The following AHNAK variants were observed in gnomAD, a reference collection of about 807,000 sequenced individuals.
AHNAK encodes neuroblast differentiation-associated protein AHNAK.
AHNAK carries 23 observed loss-of-function variants against 37.8 expected under a neutral mutation model. That is an observed-to-expected ratio of 0.61 (90% CI 0.44 to 0.86). The LOEUF is 0.86. Ranked by LOEUF, AHNAK falls within the 40% of genes least tolerant of loss-of-function variation. The probability of loss-of-function intolerance (pLI) is 0.00; values close to 1 mark genes in which losing one functional copy is unlikely to be tolerated. For missense variants in AHNAK, 7,411 were observed against 7,319.4 expected, an observed-to-expected ratio of 1.01 and a Z score of -0.46; for synonymous variants, 2,481 against 2,636.3, an observed-to-expected ratio of 0.94 and a Z score of 1.80.
Position 62,533,279 on chromosome 11 carries a change from G to C in AHNAK, c.1138C>G (p.Leu380Val), listed in dbSNP as rs763574960. The C allele has an allele frequency of 2.6e-6, 4 of 1,529,046 alleles. No individual in the cohort carries two copies. The highest frequency in any genetic ancestry group is 4.4e-5 in the Admixed American group (2 of 44,966). 94.7% of individuals were successfully genotyped at this position (1,529,046 alleles called of 1,614,324 possible). ...CCTTTCAGGCCTAGGTCACCCTCAA[G>C]TGATGGCCCAGTGATTTGGGGGCCC... ...LKGPQITGPS[L>V]EGDLGLKGAK... The change falls in exon 5 of 5, where the codon CTT becomes GTT. Residue 380 changes from leucine (L) to valine (V), a missense_variant. By Grantham distance (32) the Leu-to-Val change is conservative. Transcript: ENST00000378024.
chr11:62,460,649 G>A (rs1025791996), intron 5 of AHNAK, among the ~76,000 whole-genome samples: 2 of 152,198 alleles, frequency 1.3e-5, no homozygotes, highest in African/African-American at 2.4e-5. Flanking sequence ...TGTGACAGAA[G>A]AGAAGGAGAG....
Position 62,530,067 on chromosome 11 carries a change from C to T in AHNAK, c.4350G>A (p.Lys1450=), listed in dbSNP as rs750607757. ...KMPEMSIKPQ[K]ISIPDVGLHL... is the part of the protein sequence containing the mutation. ...GCAAACCAACATCTGGTATGGATATCTTCTGAGGCTTTATACTCATTTCTG... is the reference window on the plus strand; with the variant it reads ...GCAAACCAACATCTGGTATGGATATTTTCTGAGGCTTTATACTCATTTCTG... The change falls in exon 5 of 5, where the codon AAG becomes AAA. Residue 1450 remains lysine (K), a synonymous_variant. Coordinates refer to ENST00000378024, the MANE Select transcript of AHNAK (RefSeq NM_001620.3). 1.2e-6 allele frequency: 2 copies of T among 1,613,878 alleles called. No individual in the cohort carries two copies. The highest frequency in any genetic ancestry group is 2.2e-5 in the South Asian group (2 of 91,050).
chr11:62,459,125 G>A (rs1938730363), intron 5 of AHNAK, among the ~76,000 whole-genome samples: 6 of 152,140 alleles, frequency 3.9e-5, no homozygotes. Flanking sequence ...AAGGAGCAGG[G>A]GTTCCCAAGC....
At chr11:62,511,974 A>G (rs1939922417), downstream of AHNAK, among the ~76,000 whole-genome samples, 1 of 151,940 alleles carries the variant, frequency 6.6e-6, no homozygotes, top group Non-Finnish European at 1.5e-5. Flanking sequence ...TCAGCCTCCC[A>G]AGTAACTGGG....
chr11:62,532,526 T>A lies in AHNAK; in HGVS notation c.1891A>T (p.Met631Leu). ...GGAGTGCTGAACGTGGGCATTTTCA[T>A]CTTGGGCATTTTCAGGTTCCATTCT... ...GPEWNLKMPK[M>L]KMPTFSTPGA... The change falls in exon 5 of 5, where the codon ATG (methionine) becomes TTG (leucine). Residue 631 changes from methionine to leucine, a missense_variant. Coordinates refer to ENST00000378024, the MANE Select transcript of AHNAK (RefSeq NM_001620.3). 1 of 1,614,058 alleles carries A rather than the reference T, an allele frequency of 6.2e-7. No homozygotes were observed. The highest frequency in any genetic ancestry group is 8.5e-7 in the Non-Finnish European group (1 of 1,180,002).
In AHNAK at chr11:62,531,198, G is replaced by T. The variant is rs1940732905; in HGVS notation, c.3219C>A (p.Asp1073Glu). ...TCATTTTGGGTCCTTTAAGATCCAGGTCAACATCTGGCAAAGACATCTTAG... is the reference window on the plus strand; with the variant it reads ...TCATTTTGGGTCCTTTAAGATCCAGTTCAACATCTGGCAAAGACATCTTAG... ...RAPKMSLPDV[D>E]LDLKGPKMKG... is the part of the protein sequence containing the mutation. The change falls in exon 5 of 5, where the codon GAC (aspartate) becomes GAA (glutamate). Residue 1073 changes from aspartate (D) to glutamate (E), a missense_variant. Asp to Glu is a conservative substitution (Grantham distance 45, BLOSUM62 2). Transcript: ENST00000378024. 1 of 1,613,876 alleles carries T rather than the reference G, an allele frequency of 6.2e-7. No individual in the cohort carries two copies. Among genetic ancestry groups the T allele is most frequent in the Non-Finnish European group, 8.5e-7 (1 of 1,180,028 alleles).
At chr11:62,486,935 TAG>T (rs1009756607) in intron 5 of AHNAK, among the ~76,000 whole-genome samples, 2 of 151,066 alleles carry the variant, frequency 1.3e-5, no homozygotes, top group Non-Finnish European at 3.0e-5. Flanking sequence ...GGCTTCAGAA[TAG>T]AGAGAGAGGG....
chr11:62,523,505 C>T lies in AHNAK; in HGVS notation c.10912G>A (p.Val3638Ile). ...TTCACGTCTGGAACATCAACGTCTA[C>T]ATTGGGACCAGAAATGTCAATGTCA... is the stretch of plus-strand genomic sequence containing the variant. Reference protein sequence around the residue: ...KADIDISGPNVDVDVPDVNIE... With the variant: ...KADIDISGPNIDVDVPDVNIE... The change falls in exon 5 of 5, where the codon GTA becomes ATA. Residue 3638 changes from valine (V) to isoleucine (I), a missense_variant. Physicochemically the swap from Val to Ile is conservative, Grantham distance 29 (BLOSUM62 3). Transcript: ENST00000378024. 1.2e-6 allele frequency: 2 copies of T among 1,613,952 alleles called. No homozygotes were observed. Among genetic ancestry groups the T allele is most frequent in the Non-Finnish European group, 1.7e-6 (2 of 1,180,002 alleles).
chr11:62,536,147 C>T, intron 2 of AHNAK, 49 bp from the exon 3 acceptor site: 4 of 1,509,050 alleles, frequency 2.7e-6, no homozygotes, highest in Non-Finnish European at 3.6e-6. Flanking sequence ...GGTGGGAGGA[C>T]ATGAGGGCAT....
At chr11:62,493,316 T>TTTTC (rs1038629389) in intron 4 of AHNAK, among the ~76,000 whole-genome samples, 27 of 147,344 alleles carry the variant, frequency 1.8e-4, no homozygotes, top group African/African-American at 3.1e-4. Flanking sequence ...GCTCGGCCTG[T>TTTTC]TTTCTTTCTT....
In AHNAK at chr11:62,528,276, C is replaced by A; in HGVS notation, c.6141G>T (p.Lys2047Asn). 1.2e-6 allele frequency: 2 copies of A among 1,614,110 alleles called. No individual in the cohort carries two copies. Among genetic ancestry groups the A allele is most frequent in the Non-Finnish European group, 1.7e-6 (2 of 1,180,028 alleles). Residue 2047 changes from lysine (K) to asparagine (N), a missense_variant, in exon 5 of 5, where the codon AAG becomes AAT. Physicochemically the swap from Lys to Asn is moderately conservative, Grantham distance 94. Transcript: ENST00000378024. ...VDVHGPDWHL[K>N]MPKMKMPKFS... ...ACTTGGGCATTTTCATCTTGGGCAT[C>A]TTCAGGTGCCAGTCTGGGCCATGAA...
At chr11:62,509,560 A>AT (rs1003235884) in intron 4 of AHNAK, among the ~76,000 whole-genome samples, 3 of 152,014 alleles carry the variant, frequency 2.0e-5, no homozygotes, top group African/African-American at 7.2e-5. Context: ...CAAAAAAAAA[A>AT]GAAAGAAAGA....
chr11:62,458,388 A>G (rs1938713301), intron 5 of AHNAK, among the ~76,000 whole-genome samples: 1 of 152,014 alleles, frequency 6.6e-6, no homozygotes, highest in African/African-American at 2.4e-5. Context: ...CCCTCACCAG[A>G]GGGGCCACAG....
At chr11:62,460,073 G>A (rs748981540) in intron 5 of AHNAK, among the ~76,000 whole-genome samples, 1 of 149,374 alleles carries the variant, frequency 6.7e-6, no homozygotes, top group Non-Finnish European at 1.5e-5. Flanking sequence ...AGCTGAGATC[G>A]CACCATTGCA....
rs1284543722 is a variant in AHNAK at position 62,526,668 on chromosome 11, G to T, written c.7749C>A (p.Asp2583Glu). 1 of 1,607,912 alleles carries T rather than the reference G, an allele frequency of 6.2e-7. No homozygotes were observed. The change falls in exon 5 of 5, where the codon GAC becomes GAA. Residue 2583 changes from aspartate (D) to glutamate (E), a missense_variant. Asp to Glu is a conservative substitution (Grantham distance 45). Transcript: ENST00000378024. ...TGGGACCTTTCAGATGCAAATCAAAGTCAGGCATGGAGATCTTGGGGGCTT... is the reference window on the plus strand; with the variant it reads ...TGGGACCTTTCAGATGCAAATCAAATTCAGGCATGGAGATCTTGGGGGCTT... ...NIKAPKISMP[D>E]FDLHLKGPKV...
downstream of AHNAK, among the ~76,000 whole-genome samples, chr11:62,511,396 G>C (rs1939909759): frequency 6.6e-6 from 1 of 152,086 alleles, no homozygotes; most frequent in Non-Finnish European, 1.5e-5. Context: ...GGAATTACAG[G>C]CATGTGCCAC....
chr11:62,523,668 T>C lies in AHNAK; in HGVS notation c.10749A>G (p.Lys3583=). ...CCACATCTGGGGCATTGATGTCCAC[T>C]TTAGGGCCTTTGATATCAACCTCTG... ...KGPEVDIKGP[K]VDINAPDVDV... Residue 3583 remains lysine (K), a synonymous_variant, in exon 5 of 5, where the codon AAA becomes AAG. Transcript: ENST00000378024. The C allele has an allele frequency of 1.2e-6, 2 of 1,614,036 alleles. No homozygotes were observed. Among genetic ancestry groups the C allele is most frequent in the Non-Finnish European group, 1.7e-6 (2 of 1,180,010 alleles).
intron 5 of AHNAK, among the ~76,000 whole-genome samples, chr11:62,481,059 G>A (rs1001179845): frequency 6.6e-6 from 1 of 151,630 alleles, no homozygotes; most frequent in South Asian, 2.1e-4. Flanking sequence ...TGAGAAGGAA[G>A]GTGCTATGGG....
intron 5 of AHNAK, among the ~76,000 whole-genome samples, chr11:62,439,921 G>A (rs879435208): frequency 2.0e-5 from 3 of 152,050 alleles, no homozygotes; most frequent in African/African-American, 2.4e-5. Context: ...GCCCGCCTCC[G>A]CCTCCCACAG....
Sources: gnomAD v4.1 joint callset for allele counts (sites outside exome capture counted in the v4.1 genomes callset) on GRCh38, gnomAD v4.1.1 for gene constraint, MANE v1.5 for transcripts, NCBI Gene and HGNC (gene_info 2026-07-23, HGNC 2026-07-21) for gene names.